Variants in OR51B5 observed in about 807,000 individuals in gnomAD.
OR51B5 encodes the protein olfactory receptor family 51 subfamily B member 5, also known as olfactory receptor 51B5.
For synonymous variants in OR51B5, 186 were observed against 144.8 expected (o/e 1.28, Z -2.04); for missense variants, 456 against 374.6 (o/e 1.22, Z -1.79).
intron 1 of OR51B5, chr11:5,352,549 C>T: frequency 1.4e-6 from 1 of 707,686 alleles, no homozygotes; most frequent in Non-Finnish European, 2.4e-6. Context: ...GAGAACTAAT[C>T]AATCCCTGAG....
chr11:5,497,902 T>C (rs1464052607), intron 1 of OR51B5, among the ~76,000 whole-genome samples: 1 of 152,174 alleles, frequency 6.6e-6, no homozygotes, highest in Non-Finnish European at 1.5e-5. Context: ...ACATTCATAG[T>C]ATCCTCTTCC....
At chr11:5,471,409 A>T (rs1230446621) in intron 1 of OR51B5, among the ~76,000 whole-genome samples, 2 of 152,018 alleles carry the variant, frequency 1.3e-5, no homozygotes, top group Non-Finnish European at 2.9e-5. Flanking sequence ...AGGCCGAGGC[A>T]GGTGGATCAC....
At chr11:5,477,562 G>A (rs780434900) in intron 1 of OR51B5, among the ~76,000 whole-genome samples, 3 of 152,206 alleles carry the variant, frequency 2.0e-5, no homozygotes, top group African/African-American at 7.2e-5. Context: ...CATGAGCAAC[G>A]CAGAAGACGG....
At chr11:5,469,953 C>G (rs7106927) in intron 1 of OR51B5, among the ~76,000 whole-genome samples, 10 of 151,860 alleles carry the variant, frequency 6.6e-5, no homozygotes, top group African/African-American at 2.4e-4. Flanking sequence ...CTGCCTTTTC[C>G]TTGTGGCTTG....
chr11:5,413,329 AT>A (rs1387683285), intron 1 of OR51B5, among the ~76,000 whole-genome samples: 1 of 152,022 alleles, frequency 6.6e-6, no homozygotes, highest in Non-Finnish European at 1.5e-5. Context: ...AACCACAAAG[AT>A]GGGGAAAAAA....
At chr11:5,441,409 G>C in intron 1 of OR51B5, 1 of 1,613,938 alleles carries the variant, frequency 6.2e-7, no homozygotes, top group Non-Finnish European at 8.5e-7. Flanking sequence ...ATCATGTAGA[G>C]GATGCAGAAA....
chr11:5,415,721 A>T (rs909154185), intron 1 of OR51B5, among the ~76,000 whole-genome samples: 1 of 152,030 alleles, frequency 6.6e-6, no homozygotes, highest in Non-Finnish European at 1.5e-5. Context: ...CCAAGACTAA[A>T]CCAGGAAGAA....
intron 1 of OR51B5, among the ~76,000 whole-genome samples, chr11:5,368,814 T>A (rs1427711892): frequency 6.6e-6 from 1 of 152,186 alleles, no homozygotes; most frequent in Non-Finnish European, 1.5e-5. Flanking sequence ...TTTTCTTTTT[T>A]TCCCCCAGGG....
intron 1 of OR51B5, among the ~76,000 whole-genome samples, chr11:5,413,544 A>G: frequency 6.6e-6 from 1 of 152,178 alleles, no homozygotes; most frequent in Non-Finnish European, 1.5e-5. Context: ...AAAAAAATTT[A>G]GATGAATGTA....
At chr11:5,431,270 T>G (rs1203949483) in intron 1 of OR51B5, 2 of 317,690 alleles carry the variant, frequency 6.3e-6, no homozygotes, top group Non-Finnish European at 6.3e-6. Flanking sequence ...CCTGACTCCA[T>G]GCAGGAGAAG....
In OR51B5 at chr11:5,396,692, G is replaced by A. The variant is rs545271146; in HGVS notation, n.85-49782C>T. On this transcript the variant is annotated intron_variant and non_coding_transcript_variant, in intron 1 of 4. Coordinates refer to the OR51B5 transcript ENST00000415970. ...TACCAATGACTTTCTTCACAGAATTGGAAAAAACTACTTTAAAGTTCATAT... is the reference window on the plus strand; with the variant it reads ...TACCAATGACTTTCTTCACAGAATTAGAAAAAACTACTTTAAAGTTCATAT... Among the ~76,000 whole-genome samples the A allele has an allele frequency of 4.7e-4, 71 of 151,758 alleles. 3 individuals carry two copies. The South Asian group carries it at 0.014, about 30-fold the overall frequency.
upstream of OR51B5, among the ~76,000 whole-genome samples, chr11:5,345,449 G>A (rs766000500): frequency 1.3e-5 from 2 of 152,114 alleles, no homozygotes; most frequent in African/African-American, 2.4e-5. Context: ...TATTAAAAAT[G>A]GGAGTGAGGG....
intron 1 of OR51B5, among the ~76,000 whole-genome samples, chr11:5,501,987 A>G (rs60009111): frequency 6.6e-6 from 1 of 150,908 alleles, no homozygotes; most frequent in African/African-American, 2.4e-5. Flanking sequence ...TCATTGTTCA[A>G]CTCCCACCTG....
intron 1 of OR51B5, among the ~76,000 whole-genome samples, chr11:5,371,198 A>T (rs1849442364): frequency 1.3e-5 from 2 of 152,214 alleles, no homozygotes; most frequent in Non-Finnish European, 2.9e-5. Flanking sequence ...TATTCTAGAA[A>T]GTCCATAGCA....
chr11:5,345,094 G>A (rs191759158), upstream of OR51B5, among the ~76,000 whole-genome samples: 29 of 152,316 alleles, frequency 1.9e-4, no homozygotes, highest in South Asian at 2.9e-3. Flanking sequence ...TAGTAATCAA[G>A]TGTCATAGGG....
At chr11:5,478,061 C>A (rs1333899425) in intron 1 of OR51B5, among the ~76,000 whole-genome samples, 1 of 151,814 alleles carries the variant, frequency 6.6e-6, no homozygotes, top group Non-Finnish European at 1.5e-5. Context: ...GGGGGCAGGG[C>A]ACAGACAAAC....
At chr11:5,365,328 G>A (rs1250287068) in intron 1 of OR51B5, among the ~76,000 whole-genome samples, 2 of 152,182 alleles carry the variant, frequency 1.3e-5, no homozygotes, top group Non-Finnish European at 2.9e-5. Flanking sequence ...TGGGTATAGA[G>A]CATACACTGA....
At chr11:5,347,379 T>A (rs1309225387), upstream of OR51B5, among the ~76,000 whole-genome samples, 1 of 152,180 alleles carries the variant, frequency 6.6e-6, no homozygotes, top group Non-Finnish European at 1.5e-5. Context: ...CAGGCAGCCT[T>A]CTCTAGTACC....
upstream of OR51B5, among the ~76,000 whole-genome samples, chr11:5,345,271 G>C (rs1385709684): frequency 6.6e-6 from 1 of 152,054 alleles, no homozygotes; most frequent in Admixed American, 6.5e-5. Flanking sequence ...AGAAGACTAA[G>C]CAAGAGACAA....
Sources: gnomAD v4.1 joint callset for allele counts (sites outside exome capture counted in the v4.1 genomes callset) on GRCh38, gnomAD v4.1.1 for gene constraint, MANE v1.5 for transcripts, NCBI Gene and HGNC (gene_info 2026-07-23, HGNC 2026-07-21) for gene names.